UBE2L3: variants seen among roughly 807,000 people sequenced by gnomAD.
UBE2L3 encodes the protein ubiquitin conjugating enzyme E2 L3.
UBE2L3 carries 1 observed loss-of-function variant against 17.8 expected under a neutral mutation model. The observed-to-expected ratio is 0.06, with a 90% confidence interval of 0.02 to 0.27. The LOEUF is 0.27. UBE2L3 is among the 10% of genes least tolerant of loss of function. The pLI is 1.00. For synonymous variants in UBE2L3, 44 were observed against 68.5 expected, an observed-to-expected ratio of 0.64 and a Z score of 1.76; for missense variants, 40 against 192.6, an observed-to-expected ratio of 0.21 and a Z score of 4.69.
intron 1 of UBE2L3, among the ~76,000 whole-genome samples, chr22:21,560,537 G>A (rs1159616797): frequency 7.4e-6 from 1 of 134,616 alleles, no homozygotes; most frequent in African/African-American, 2.9e-5. Context: ...TGTAACTTCT[G>A]TCTCCTGGAT....
intron 1 of UBE2L3, chr22:21,555,504 A>C (rs1290192690): frequency 6.5e-6 from 1 of 154,216 alleles, no homozygotes; most frequent in African/African-American, 2.4e-5. Flanking sequence ...ATGCACGCCT[A>C]ATCCCAGCTA....
chr22:21,618,628 A>G (rs1306090798), intron 3 of UBE2L3, among the ~76,000 whole-genome samples: 2 of 151,412 alleles, frequency 1.3e-5, no homozygotes, highest in Non-Finnish European at 2.9e-5. Flanking sequence ...TTGCTGTGTC[A>G]CTCAGGCTGA....
intron 2 of UBE2L3, among the ~76,000 whole-genome samples, chr22:21,601,089 T>G (rs1928830774): frequency 6.6e-6 from 1 of 151,986 alleles, no homozygotes; most frequent in Non-Finnish European, 1.5e-5. Flanking sequence ...GAGAATTGCT[T>G]GAACCCAGGA....
Position 21,612,643 on chromosome 22 carries a change from C to CTTTTTTT in UBE2L3, c.310+1622_310+1628dup, listed in dbSNP as rs57678378. Among the ~76,000 whole-genome samples the CTTTTTTT allele has an allele frequency of 1.9e-3, 100 of 52,500 alleles. 5 individuals carry two copies. The highest frequency in any genetic ancestry group is 4.1e-3 in the South Asian group (4 of 974). The allele number at this position is 52,500 out of a possible 152,430, so 34.4% of individuals were successfully genotyped here. ...CCCAGCCGATTTTTTCTTTTCTTTT[C>CTTTTTTT]TTTTTTTTTTTTTTTTTTTTTTTTT... On this transcript the variant is annotated intron_variant, in intron 3 of 3. Transcript: ENST00000342192.
intron 3 of UBE2L3, among the ~76,000 whole-genome samples, chr22:21,620,005 G>A (rs1014861826): frequency 1.3e-5 from 2 of 152,106 alleles, no homozygotes; most frequent in African/African-American, 4.8e-5. Flanking sequence ...CTTAATAAAG[G>A]AATTGACCAG....
intron 3 of UBE2L3, among the ~76,000 whole-genome samples, 184 bp from the exon 4 acceptor site, chr22:21,621,329 TCA>T (rs1930030593): frequency 6.6e-6 from 1 of 152,186 alleles, no homozygotes; most frequent in African/African-American, 2.4e-5. Flanking sequence ...TGTCTTCTAA[TCA>T]CAGAGGAAAG....
chr22:21,586,568 G>A (rs2148416061), intron 1 of UBE2L3, among the ~76,000 whole-genome samples: 1 of 147,674 alleles, frequency 6.8e-6, no homozygotes, highest in Non-Finnish European at 1.5e-5. Flanking sequence ...ACTGCACCCA[G>A]CCTTTTTTTT....
At chr22:21,572,230 C>T (rs191414602) in intron 1 of UBE2L3, among the ~76,000 whole-genome samples, 7 of 151,908 alleles carry the variant, frequency 4.6e-5, no homozygotes, top group African/African-American at 1.4e-4. Flanking sequence ...GTCAGGAGTT[C>T]GAGACCAGCC....
intron 1 of UBE2L3, among the ~76,000 whole-genome samples, chr22:21,589,399 G>T (rs142184663): frequency 6.6e-6 from 1 of 151,772 alleles, no homozygotes; most frequent in Non-Finnish European, 1.5e-5. Context: ...CGCCCACCTC[G>T]GCCTCCCGAA....
chr22:21,578,789 C>T (rs1388234507), intron 1 of UBE2L3, among the ~76,000 whole-genome samples: 1 of 151,940 alleles, frequency 6.6e-6, no homozygotes, highest in African/African-American at 2.4e-5. Flanking sequence ...AGAATGACCA[C>T]CTGAGAAGGA....
chr22:21,587,518 C>T (rs1313466364), intron 1 of UBE2L3, among the ~76,000 whole-genome samples: 1 of 152,200 alleles, frequency 6.6e-6, no homozygotes, highest in East Asian at 1.9e-4. Context: ...GTTCTGAAAC[C>T]TGGCCTTGTG....
At chr22:21,583,196 C>G (rs1402204629) in intron 1 of UBE2L3, among the ~76,000 whole-genome samples, 1 of 152,198 alleles carries the variant, frequency 6.6e-6, no homozygotes, top group Non-Finnish European at 1.5e-5. Flanking sequence ...CACATGGACA[C>G]CTGTTCTCTA....
intron 1 of UBE2L3, among the ~76,000 whole-genome samples, chr22:21,552,132 G>T (rs1333970500): frequency 6.6e-6 from 1 of 152,016 alleles, no homozygotes; most frequent in Non-Finnish European, 1.5e-5. Flanking sequence ...TCTGCTCCTG[G>T]TGCCAAGTGG....
intron 1 of UBE2L3, among the ~76,000 whole-genome samples, chr22:21,557,865 T>A (rs1432290486): frequency 1.3e-5 from 2 of 152,188 alleles, no homozygotes; most frequent in Non-Finnish European, 2.9e-5. Context: ...CGAAGAAGTG[T>A]TTTGGTTTAA....
At chr22:21,617,515 C>T (rs971473791) in intron 3 of UBE2L3, among the ~76,000 whole-genome samples, 6 of 152,274 alleles carry the variant, frequency 3.9e-5, no homozygotes, top group Admixed American at 3.3e-4. Context: ...AGTCTGCCCA[C>T]TTCGGCTTCC....
intron 1 of UBE2L3, among the ~76,000 whole-genome samples, chr22:21,574,149 A>G (rs1437058338): frequency 6.6e-6 from 1 of 152,122 alleles, no homozygotes; most frequent in African/African-American, 2.4e-5. Context: ...GGGGGACATA[A>G]ATAAGCCTAA....
At chr22:21,609,966 C>T (rs976428750) in intron 2 of UBE2L3, among the ~76,000 whole-genome samples, 2 of 152,098 alleles carry the variant, frequency 1.3e-5, no homozygotes, top group Non-Finnish European at 2.9e-5. Context: ...GCGGAGGTTG[C>T]GGTGAGCCAA....
At chr22:21,594,602 T>C (rs1328948577) in intron 2 of UBE2L3, among the ~76,000 whole-genome samples, 6 of 152,178 alleles carry the variant, frequency 3.9e-5, no homozygotes, top group African/African-American at 1.4e-4. Context: ...AGGAAAGATA[T>C]GCTTTGTAAT....
chr22:21,574,893 A>G (rs1003418226), intron 1 of UBE2L3, among the ~76,000 whole-genome samples: 1 of 152,094 alleles, frequency 6.6e-6, no homozygotes, highest in African/African-American at 2.4e-5. Flanking sequence ...TGAACCTGAG[A>G]GGCAGAGGTT....
Sources: gnomAD v4.1 joint callset for allele counts (sites outside exome capture counted in the v4.1 genomes callset) on GRCh38, gnomAD v4.1.1 for gene constraint, MANE v1.5 for transcripts, NCBI Gene and HGNC (gene_info 2026-07-23, HGNC 2026-07-21) for gene names.